The following MGAT4C variants were observed in gnomAD, a reference collection of about 807,000 sequenced individuals.
The protein encoded by MGAT4C is alpha-1,3-mannosyl-glycoprotein 4-beta-N-acetylglucosaminyltransferase C.
Under a neutral mutation model 40.1 loss-of-function variants are expected in MGAT4C, and 19 were observed. The observed-to-expected ratio is 0.47, with a 90% CI of 0.33 to 0.70. The LOEUF is 0.70. Ranked by LOEUF, MGAT4C falls within the 30% of genes least tolerant of loss-of-function variation. The pLI is 0.02. For synonymous variants in MGAT4C, 181 were observed against 187.1 expected (o/e 0.97, Z 0.27); for missense variants, 491 against 563.2 (o/e 0.87, Z 1.30).
chr12:86,239,440 G>A (rs1478638371), intron 1 of MGAT4C, among the ~76,000 whole-genome samples: 3 of 152,050 alleles, frequency 2.0e-5, no homozygotes, highest in East Asian at 1.9e-4. Flanking sequence ...TTCAGCTGAC[G>A]CATAAATGTG....
intron 2 of MGAT4C, among the ~76,000 whole-genome samples, chr12:86,619,651 C>T (rs1020248394): frequency 6.6e-6 from 1 of 152,028 alleles, no homozygotes; most frequent in Non-Finnish European, 1.5e-5. Flanking sequence ...CCCATATATG[C>T]TCTTTTCTTT....
rs1283679723 is a variant in MGAT4C at position 85,955,800 on chromosome 12, G to C, written c.*23489C>G. 3 of 152,108 alleles carry C rather than the reference G, an allele frequency of 2.0e-5. No homozygotes were observed. Among genetic ancestry groups the C allele is most frequent in the Non-Finnish European group, 1.5e-5 (1 of 68,000 alleles). The allele number at this position is 152,108 out of a possible 1,614,324, so 9.4% of individuals were successfully genotyped here. On this transcript the variant is annotated 3_prime_UTR_variant, in exon 5 of 5. Transcript: ENST00000611864. ...GCCATCAAGCATACTGGTTCACCAT[G>C]TTGCAGACTTTAAAAAAATACAGGA...
intron 2 of MGAT4C, among the ~76,000 whole-genome samples, chr12:86,438,164 G>C (rs1250280341): frequency 6.6e-6 from 1 of 151,920 alleles, no homozygotes; most frequent in African/African-American, 2.4e-5. Flanking sequence ...GTGAAAACAT[G>C]AATGATAAGA....
At chr12:86,009,724 G>A (rs998415149) in intron 2 of MGAT4C, among the ~76,000 whole-genome samples, 2 of 152,048 alleles carry the variant, frequency 1.3e-5, no homozygotes, top group African/African-American at 2.4e-5. Context: ...CTCCATCATG[G>A]TAAGAAGCAT....
intron 2 of MGAT4C, among the ~76,000 whole-genome samples, chr12:86,499,286 T>C (rs1958294684): frequency 6.6e-6 from 1 of 151,648 alleles, no homozygotes; most frequent in African/African-American, 2.4e-5. Context: ...TGTATGTATA[T>C]ATATATTTGG....
chr12:86,641,212 C>A (rs1963374881), intron 2 of MGAT4C, among the ~76,000 whole-genome samples: 2 of 151,822 alleles, frequency 1.3e-5, no homozygotes, highest in African/African-American at 2.4e-5. Flanking sequence ...AGTTCATGTC[C>A]TTTGTAGGGA....
At chr12:86,358,569 T>C (rs921886190) in intron 3 of MGAT4C, among the ~76,000 whole-genome samples, 27 of 152,154 alleles carry the variant, frequency 1.8e-4, no homozygotes, top group African/African-American at 3.4e-4. Flanking sequence ...CAGTGTGCCG[T>C]ATTCAGGAGG....
intron 4 of MGAT4C, among the ~76,000 whole-genome samples, chr12:85,983,170 C>T (rs1001240607): frequency 1.3e-5 from 2 of 152,094 alleles, no homozygotes; most frequent in African/African-American, 4.8e-5. Flanking sequence ...AGTCATAAAA[C>T]CAAACTGTTA....
chr12:86,720,152 C>T (rs1950714500), intron 2 of MGAT4C, among the ~76,000 whole-genome samples: 1 of 152,118 alleles, frequency 6.6e-6, no homozygotes, highest in African/African-American at 2.4e-5. Context: ...TCCATTTTCT[C>T]TAAATATGAC....
At chr12:86,310,936 A>C (rs1160547988) in intron 4 of MGAT4C, among the ~76,000 whole-genome samples, 2 of 152,182 alleles carry the variant, frequency 1.3e-5, no homozygotes, top group Admixed American at 6.5e-5. Context: ...AAAACAAACA[A>C]ACAAAAAAAC....
At chr12:86,167,426 G>T in intron 1 of MGAT4C, among the ~76,000 whole-genome samples, 1 of 152,180 alleles carries the variant, frequency 6.6e-6, no homozygotes, top group Admixed American at 6.5e-5. Flanking sequence ...AAACTAAATA[G>T]AGAAAGCTTA....
chr12:86,683,251 G>C (rs988697302), intron 2 of MGAT4C, among the ~76,000 whole-genome samples: 1 of 151,942 alleles, frequency 6.6e-6, no homozygotes, highest in Admixed American at 6.6e-5. Flanking sequence ...TTCAATAAAA[G>C]GAAATTTATT....
At chr12:86,097,953 T>C (rs957998636) in intron 1 of MGAT4C, among the ~76,000 whole-genome samples, 1 of 151,564 alleles carries the variant, frequency 6.6e-6, no homozygotes, top group Non-Finnish European at 1.5e-5. Context: ...TTTAGTAAAA[T>C]AGAGGGTAGC....
chr12:86,690,530 G>A (rs1428540868), intron 2 of MGAT4C, among the ~76,000 whole-genome samples: 2 of 152,138 alleles, frequency 1.3e-5, no homozygotes, highest in Admixed American at 1.3e-4. Context: ...CGTCCTTCAA[G>A]GCACAGTCCC....
intron 1 of MGAT4C, among the ~76,000 whole-genome samples, chr12:86,224,813 A>C: frequency 6.6e-6 from 1 of 152,220 alleles, no homozygotes; most frequent in African/African-American, 2.4e-5. Flanking sequence ...AGTGTATAGC[A>C]ATATATTCCT....
chr12:86,107,841 T>G (rs768556951), intron 1 of MGAT4C, among the ~76,000 whole-genome samples: 56 of 152,228 alleles, frequency 3.7e-4, no homozygotes, highest in Non-Finnish European at 7.2e-4. Context: ...ACTAAAAATT[T>G]TATATATTTT....
intron 2 of MGAT4C, among the ~76,000 whole-genome samples, chr12:86,636,087 G>A (rs752172131): frequency 9.9e-5 from 15 of 151,962 alleles, no homozygotes; most frequent in Non-Finnish European, 1.9e-4. Flanking sequence ...TGTAGCCTAG[G>A]AGCAATAGGC....
At chr12:86,585,580 A>G (rs1960984606) in intron 2 of MGAT4C, among the ~76,000 whole-genome samples, 1 of 151,452 alleles carries the variant, frequency 6.6e-6, no homozygotes, top group African/African-American at 2.4e-5. Context: ...AATTTAATGA[A>G]CCATGTGATG....
chr12:86,707,357 C>T (rs996421336), intron 2 of MGAT4C, among the ~76,000 whole-genome samples: 2 of 151,984 alleles, frequency 1.3e-5, no homozygotes, highest in Non-Finnish European at 2.9e-5. Flanking sequence ...AAAGTATAGG[C>T]TGAGGTGGTC....
Sources: gnomAD v4.1 joint callset for allele counts (sites outside exome capture counted in the v4.1 genomes callset) on GRCh38, gnomAD v4.1.1 for gene constraint, MANE v1.5 for transcripts, NCBI Gene and HGNC (gene_info 2026-07-23, HGNC 2026-07-21) for gene names.